ZNF320: variants seen among roughly 807,000 people sequenced by gnomAD.
ZNF320 encodes the protein zinc finger gene 320.
ZNF320 carries 2 observed loss-of-function variants against 6.8 expected under a neutral mutation model. The observed-to-expected ratio is 0.29, with a 90% CI of 0.12 to 0.93. The LOEUF is 0.93. Among genes scored for constraint, ZNF320 ranks in the 40% least tolerant of loss-of-function variants. The pLI, the probability that ZNF320 is intolerant of heterozygous loss-of-function variation, is 0.55. For synonymous variants in ZNF320, 208 were observed against 203.2 expected (o/e 1.02, Z -0.20); for missense variants, 472 against 611.0 (o/e 0.77, Z 2.40).
intron 5 of ZNF320, among the ~76,000 whole-genome samples, chr19:52,866,298 T>C (rs940631952): frequency 6.6e-6 from 1 of 150,766 alleles, no homozygotes; most frequent in African/African-American, 2.4e-5. Context: ...CAGTGACTCA[T>C]GCCTGTAATC....
upstream of ZNF320, among the ~76,000 whole-genome samples, chr19:52,898,758 G>A (rs1436451791): frequency 3.9e-5 from 6 of 152,310 alleles, no homozygotes; most frequent in South Asian, 8.3e-4. Context: ...TGGTCAGAGA[G>A]AAACAGAACA....
chr19:52,870,855 A>T (rs537538476), intron 5 of ZNF320, among the ~76,000 whole-genome samples: 1 of 152,324 alleles, frequency 6.6e-6, no homozygotes, highest in Admixed American at 6.5e-5. Flanking sequence ...GTCATTAAAA[A>T]TGCAGAGTCT....
chr19:52,881,575 G>A lies in ZNF320; in HGVS notation c.551C>T (p.Thr184Ile), dbSNP rs2063921926. The A allele has an allele frequency of 2.5e-6, 4 of 1,613,820 alleles. No homozygotes were observed. The highest frequency in any genetic ancestry group is 1.7e-6 in the Non-Finnish European group (2 of 1,179,946). ...CTTACATTTGTATGGTTTCTCTCCA[G>A]TATGAATTATCCTATGTATTTCAAG... Reference protein sequence around the residue: ...SHLEIHRIIHTGEKPYKCKVC... With the variant: ...SHLEIHRIIHIGEKPYKCKVC... The change falls in exon 6 of 6, where the codon ACT (threonine) becomes ATT (isoleucine). Residue 184 changes from threonine to isoleucine, a missense_variant. Thr to Ile is a moderately conservative substitution (Grantham distance 89). Transcript: ENST00000682928.
chr19:52,896,279 C>T (rs1024705127), intron 1 of ZNF320, among the ~76,000 whole-genome samples: 1 of 152,114 alleles, frequency 6.6e-6, no homozygotes, highest in African/African-American at 2.4e-5. Context: ...TTATTCGACA[C>T]GAGATTTCGC....
downstream of ZNF320, among the ~76,000 whole-genome samples, chr19:52,860,212 T>C (rs1260083408): frequency 6.6e-6 from 1 of 152,186 alleles, no homozygotes; most frequent in Non-Finnish European, 1.5e-5. Flanking sequence ...GCACCTGGCC[T>C]GTTTTTCTTA....
At chr19:52,861,618 T>A (rs1475620080) in exon 6 of ZNF320, among the ~76,000 whole-genome samples, 6 of 152,184 alleles carry the variant, frequency 3.9e-5, no homozygotes, top group African/African-American at 1.4e-4. Flanking sequence ...CCACCGTGCC[T>A]GGCCCAATCC....
upstream of ZNF320, among the ~76,000 whole-genome samples, chr19:52,899,472 C>A (rs1377937427): frequency 2.6e-5 from 4 of 151,974 alleles, no homozygotes; most frequent in Admixed American, 2.6e-4. Context: ...ATTTCTTTTT[C>A]TTTTTTTGGT....
downstream of ZNF320, among the ~76,000 whole-genome samples, chr19:52,871,689 A>G (rs991513813): frequency 1.3e-5 from 2 of 152,192 alleles, no homozygotes; most frequent in African/African-American, 4.8e-5. Flanking sequence ...CAGGTGTTTA[A>G]AACACTGAAA....
chr19:52,892,739 C>G (rs1250237612), intron 2 of ZNF320, among the ~76,000 whole-genome samples: 1 of 151,504 alleles, frequency 6.6e-6, no homozygotes, highest in Non-Finnish European at 1.5e-5. Context: ...GTTAAATTGT[C>G]TCTTCCTTGT....
intron 2 of ZNF320, among the ~76,000 whole-genome samples, chr19:52,891,765 C>T (rs1419514994): frequency 6.6e-6 from 1 of 152,092 alleles, no homozygotes; most frequent in Admixed American, 6.5e-5. Context: ...ACTGATGTGA[C>T]CTGCTTTACA....
exon 6 of ZNF320, chr19:52,862,336 A>T (rs989919678): frequency 1.9e-6 from 1 of 527,000 alleles, no homozygotes; most frequent in Non-Finnish European, 3.8e-6. Context: ...TCCTTATCAC[A>T]AACCTTACAT....
upstream of ZNF320, among the ~76,000 whole-genome samples, chr19:52,902,494 G>A (rs146244269): frequency 4.6e-5 from 7 of 152,288 alleles, no homozygotes; most frequent in East Asian, 1.4e-3. Context: ...TTTCAACCAG[G>A]CATTTGCATC....
downstream of ZNF320, among the ~76,000 whole-genome samples, chr19:52,871,952 C>T (rs2063687895): frequency 6.6e-6 from 1 of 152,244 alleles, no homozygotes. Context: ...CGCTCATCTG[C>T]ACCCAGGGTC....
downstream of ZNF320, among the ~76,000 whole-genome samples, chr19:52,872,553 G>C (rs1259064442): frequency 2.0e-5 from 3 of 152,142 alleles, no homozygotes; most frequent in Non-Finnish European, 4.4e-5. Flanking sequence ...CGCAGGTGGA[G>C]TGCAGTGGCA....
chr19:52,900,957 G>A (rs77780850), upstream of ZNF320, among the ~76,000 whole-genome samples: 44 of 151,268 alleles, frequency 2.9e-4, no homozygotes, highest in Non-Finnish European at 4.7e-4. Context: ...TTAGAGAACT[G>A]CATCTTATTC....
intron 3 of ZNF320, 22 bp from the exon 4 acceptor site, chr19:52,890,350 T>C (rs111786059): frequency 1.3e-6 from 2 of 1,499,992 alleles, no homozygotes; most frequent in African/African-American, 1.4e-5. Flanking sequence ...AAATATGTTG[T>C]TTATCACTGA....
At chr19:52,889,805 G>C (rs1600645097) in intron 4 of ZNF320, among the ~76,000 whole-genome samples, 1 of 152,244 alleles carries the variant, frequency 6.6e-6, no homozygotes, top group East Asian at 1.9e-4. Context: ...TATAATGTCA[G>C]GCAGAAAAGA....
chr19:52,885,803 G>C (rs1390845591), intron 5 of ZNF320, among the ~76,000 whole-genome samples: 1 of 152,158 alleles, frequency 6.6e-6, no homozygotes, highest in Non-Finnish European at 1.5e-5. Flanking sequence ...CTACTCGACA[G>C]GCTGAGGCAG....
rs151113602 is a variant in ZNF320 at position 52,881,698 on chromosome 19, C to A, written c.428G>T (p.Arg143Ile). 27 of 1,613,868 alleles carry A rather than the reference C, an allele frequency of 1.7e-5. No individual in the cohort carries two copies. In the African/African-American group the frequency reaches 2.4e-4, roughly 14 times the overall value. The change falls in exon 6 of 6, where the codon AGA becomes ATA. Residue 143 changes from arginine to isoleucine, a missense_variant. Physicochemically the swap from Arg to Ile is moderately conservative, Grantham distance 97. Around this residue, in one of 2 missense-constraint regions of ZNF320, gnomAD observed 462 missense variants for 559.7 expected, o/e 0.83. Coordinates refer to ENST00000682928, the MANE Select transcript of ZNF320 (RefSeq NM_001351774.2). ...ATGTCTTCGCAAATGCAAATGAAATCTTGATTCAAGCTGACCTTTAATAGG... is the reference window on the plus strand; with the variant it reads ...ATGTCTTCGCAAATGCAAATGAAATATTGATTCAAGCTGACCTTTAATAGG... ...NKPIKGQLES[R>I]FHLHLRRHRR...
Sources: gnomAD v4.1 joint callset for allele counts (sites outside exome capture counted in the v4.1 genomes callset) on GRCh38, gnomAD v4.1.1 for gene constraint, gnomAD v4.1.1 regional missense constraint, MANE v1.5 for transcripts, NCBI Gene and HGNC (gene_info 2026-07-23, HGNC 2026-07-21) for gene names.